Variants in MARCHF3 observed in about 807,000 individuals in gnomAD.
The protein encoded by MARCHF3 is E3 ubiquitin-protein ligase MARCHF3.
In MARCHF3, 13 loss-of-function variants were observed where a neutral mutation model predicts 24.2. The observed-to-expected ratio is 0.54, with a 90% CI of 0.35 to 0.85. MARCHF3 has a LOEUF of 0.85. Ranked by LOEUF, MARCHF3 falls within the 40% of genes least tolerant of loss-of-function variation. MARCHF3 has a pLI of 0.01. For missense variants in MARCHF3, 276 were observed against 325.0 expected (o/e 0.85, Z 1.16); for synonymous variants, 144 against 137.3 (o/e 1.05, Z -0.34).
chr5:126,870,623 C>A lies in MARCHF3; in HGVS notation c.*10G>T, dbSNP rs746071821. On this transcript the variant is annotated 3_prime_UTR_variant, in exon 5 of 5. Transcript: ENST00000308660. ...ACAATGAATCAAACAACCAACCAACCATACAAACATCAAACAACTGTCTCC... is the reference window on the plus strand; with the variant it reads ...ACAATGAATCAAACAACCAACCAACAATACAAACATCAAACAACTGTCTCC... 3.2e-5 allele frequency: 51 copies of A among 1,613,486 alleles called. No individual in the cohort carries two copies. The highest frequency in any genetic ancestry group is 8.5e-7 in the Non-Finnish European group (1 of 1,179,652).
chr5:126,902,221 G>A (rs1365015958), intron 3 of MARCHF3, among the ~76,000 whole-genome samples: 1 of 152,082 alleles, frequency 6.6e-6, no homozygotes, highest in Non-Finnish European at 1.5e-5. Context: ...GGCCCCAACA[G>A]GCTATTCCTT....
intron 1 of MARCHF3, among the ~76,000 whole-genome samples, chr5:126,990,804 T>C (rs1751733497): frequency 6.6e-6 from 1 of 152,192 alleles, no homozygotes; most frequent in Non-Finnish European, 1.5e-5. Context: ...AAAGTGCTCA[T>C]CATCACTGGT....
intron 3 of MARCHF3, among the ~76,000 whole-genome samples, chr5:126,890,444 C>G (rs1199772978): frequency 7.2e-5 from 9 of 125,344 alleles, no homozygotes; most frequent in Non-Finnish European, 1.3e-4. Flanking sequence ...CCCCTCCCCC[C>G]ACCCCACAAC....
At chr5:126,892,500 G>T (rs979599439) in intron 3 of MARCHF3, among the ~76,000 whole-genome samples, 2 of 147,914 alleles carry the variant, frequency 1.4e-5, no homozygotes, top group Non-Finnish European at 3.0e-5. Context: ...TAGCATGAAG[G>T]GTTGTTGAAT....
chr5:127,014,778 A>T (rs533107693), intron 1 of MARCHF3, among the ~76,000 whole-genome samples: 1 of 152,318 alleles, frequency 6.6e-6, no homozygotes, highest in Admixed American at 6.5e-5. Flanking sequence ...AGTAAAAAGC[A>T]GAACAGCGAT....
intron 1 of MARCHF3, among the ~76,000 whole-genome samples, chr5:126,978,717 CCTGA>C (rs964405443): frequency 7.2e-5 from 11 of 152,318 alleles, no homozygotes; most frequent in African/African-American, 2.2e-4. Context: ...ACAGAACTGC[CCTGA>C]CTGTTTCTAT....
chr5:127,014,653 C>T (rs957774289), intron 1 of MARCHF3, among the ~76,000 whole-genome samples: 7 of 151,922 alleles, frequency 4.6e-5, no homozygotes, highest in African/African-American at 1.7e-4. Context: ...TGTAATTTTA[C>T]AGCAACATGG....
chr5:127,010,924 G>C (rs1160643320), intron 1 of MARCHF3, among the ~76,000 whole-genome samples: 1 of 152,102 alleles, frequency 6.6e-6, no homozygotes, highest in East Asian at 1.9e-4. Context: ...GATGAAAAGA[G>C]TTCTGTAGAT....
At chr5:127,014,323 A>G (rs1463916354) in intron 1 of MARCHF3, among the ~76,000 whole-genome samples, 1 of 152,146 alleles carries the variant, frequency 6.6e-6, no homozygotes, top group Admixed American at 6.5e-5. Flanking sequence ...TACGATGGCT[A>G]CTATCAAAAA....
At chr5:126,975,155 C>G (rs1024159624) in intron 1 of MARCHF3, among the ~76,000 whole-genome samples, 16 of 152,118 alleles carry the variant, frequency 1.1e-4, no homozygotes, top group Admixed American at 3.9e-4. Flanking sequence ...CAGGGTTTCA[C>G]CATGTTGGCC....
At chr5:126,892,845 A>T (rs1290874605) in intron 3 of MARCHF3, among the ~76,000 whole-genome samples, 5 of 151,126 alleles carry the variant, frequency 3.3e-5, no homozygotes, top group Admixed American at 6.6e-5. Context: ...TATTGATTGG[A>T]ATAGTTTCAG....
intron 1 of MARCHF3, among the ~76,000 whole-genome samples, chr5:127,015,846 T>G (rs1003040778): frequency 6.6e-6 from 1 of 152,152 alleles, no homozygotes; most frequent in African/African-American, 2.4e-5. Context: ...AGTTTTAAAC[T>G]GTGCACCGTT....
At chr5:127,014,907 T>C (rs1580489923) in intron 1 of MARCHF3, among the ~76,000 whole-genome samples, 1 of 152,310 alleles carries the variant, frequency 6.6e-6, no homozygotes, top group Middle Eastern at 3.4e-3. Context: ...TAGTGTTTTA[T>C]AGCACTGCAG....
At chr5:126,993,211 C>T (rs1751831744) in intron 1 of MARCHF3, among the ~76,000 whole-genome samples, 1 of 152,168 alleles carries the variant, frequency 6.6e-6, no homozygotes, top group African/African-American at 2.4e-5. Flanking sequence ...GCAGACAGCA[C>T]ATAGATACAT....
At chr5:126,960,388 G>A (rs1208405183) in intron 1 of MARCHF3, among the ~76,000 whole-genome samples, 1 of 152,058 alleles carries the variant, frequency 6.6e-6, no homozygotes, top group African/African-American at 2.4e-5. Flanking sequence ...TTGGGACAAT[G>A]TTTCAAGTGA....
rs1362793267 is a variant in MARCHF3, at chr5:126,899,836, CCCTGTCCCCT to C, written c.393+15084_393+15093del. 2.6e-5 allele frequency among the ~76,000 whole-genome samples: 4 copies of C among 152,052 alleles called. No homozygotes were observed. In the East Asian group the frequency reaches 7.7e-4, roughly 29 times the overall value. ...AGGGTTCTCATATATCCCTGTCTCCCCCTGTCCCCTACAGTCCCCTCTACTGTCAACAGCC... is the reference window on the plus strand; with the variant it reads ...AGGGTTCTCATATATCCCTGTCTCCCACAGTCCCCTCTACTGTCAACAGCC... On this transcript the variant is annotated intron_variant, in intron 3 of 4. Coordinates refer to ENST00000308660, the MANE Select transcript of MARCHF3 (RefSeq NM_178450.5).
rs544323611 is a variant in MARCHF3, at chr5:126,896,181, G to A, written c.394-17787C>T. ...CCCTACTTCGGCTGGCGCACGGTGC[G>A]TGCACCCACTGACCTGCGCCCACTG... On this transcript the variant is annotated intron_variant, in intron 3 of 4. Coordinates refer to ENST00000308660, the MANE Select transcript of MARCHF3 (RefSeq NM_178450.5). Among the ~76,000 whole-genome samples, 2 of 152,064 alleles carry A rather than the reference G, an allele frequency of 1.3e-5. 1 individual carries two copies. The highest frequency in any genetic ancestry group is 4.8e-5 in the African/African-American group (2 of 41,374).
At chr5:126,947,652 A>G (rs1340091218) in intron 1 of MARCHF3, among the ~76,000 whole-genome samples, 2 of 152,198 alleles carry the variant, frequency 1.3e-5, no homozygotes, top group East Asian at 3.8e-4. Flanking sequence ...GAAGAGGGGA[A>G]GTCTGTTTAC....
At chr5:126,932,930 C>T (rs907232454) in intron 1 of MARCHF3, among the ~76,000 whole-genome samples, 2 of 152,128 alleles carry the variant, frequency 1.3e-5, no homozygotes, top group Non-Finnish European at 2.9e-5. Flanking sequence ...CCTTTCCTAA[C>T]AACAAAGGGA....
Sources: gnomAD v4.1 joint callset for allele counts (sites outside exome capture counted in the v4.1 genomes callset) on GRCh38, gnomAD v4.1.1 for gene constraint, MANE v1.5 for transcripts, NCBI Gene and HGNC (gene_info 2026-07-23, HGNC 2026-07-21) for gene names.